POU6F2: variants seen among roughly 807,000 people sequenced by gnomAD.
POU6F2 encodes the protein POU class 6 homeobox 2.
A neutral mutation model predicts 71.3 loss-of-function variants in POU6F2; 31 were observed. That is an observed-to-expected ratio of 0.43 (90% confidence interval 0.33 to 0.59). POU6F2 has a LOEUF of 0.59. Among genes scored for constraint, POU6F2 ranks in the 20% least tolerant of loss-of-function variants. POU6F2 has a pLI of 0.04. For missense variants in POU6F2, 783 were observed against 856.8 expected (o/e 0.91, Z 1.07); for synonymous variants, 347 against 355.7 (o/e 0.98, Z 0.27).
chr7:39,205,444 A>G (rs1487111050), intron 3 of POU6F2, among the ~76,000 whole-genome samples: 1 of 152,022 alleles, frequency 6.6e-6, no homozygotes, highest in Non-Finnish European at 1.5e-5. Flanking sequence ...CCCTCCGACA[A>G]ACTGGAGAGT....
chr7:39,203,879 A>C (rs541169921), intron 2 of POU6F2, among the ~76,000 whole-genome samples: 1 of 152,172 alleles, frequency 6.6e-6, no homozygotes, highest in Non-Finnish European at 1.5e-5. Context: ...AAGCCATATT[A>C]GGGGAAATAT....
chr7:39,381,531 C>A (rs535896574), intron 5 of POU6F2, among the ~76,000 whole-genome samples: 164 of 152,268 alleles, frequency 1.1e-3, no homozygotes, highest in African/African-American at 3.7e-3. Context: ...CATGAGCCTC[C>A]ATGCCCAGCT....
intron 4 of POU6F2, among the ~76,000 whole-genome samples, chr7:39,320,681 C>T (rs536141323): frequency 6.6e-6 from 1 of 152,170 alleles, no homozygotes; most frequent in African/African-American, 2.4e-5. Context: ...ACTGAACCCT[C>T]TATATACTAT....
chr7:39,047,961 T>A (rs1790324000), intron 1 of POU6F2, among the ~76,000 whole-genome samples: 2 of 151,940 alleles, frequency 1.3e-5, no homozygotes, highest in South Asian at 4.1e-4. Context: ...TCAGGGACAT[T>A]AATCTGCAAT....
intron 4 of POU6F2, among the ~76,000 whole-genome samples, chr7:39,238,409 G>A (rs367760297): frequency 1.1e-3 from 170 of 152,170 alleles, no homozygotes; most frequent in African/African-American, 3.6e-3. Flanking sequence ...GTCTGCCGGC[G>A]GAATCTCATC....
intron 5 of POU6F2, among the ~76,000 whole-genome samples, chr7:39,405,636 A>G (rs185015952): frequency 1.3e-5 from 2 of 152,360 alleles, no homozygotes; most frequent in East Asian, 3.9e-4. Context: ...TACTGTGAAA[A>G]TAGTTTAAAT....
chr7:39,077,995 A>G (rs1414308725), intron 1 of POU6F2, among the ~76,000 whole-genome samples: 1 of 152,172 alleles, frequency 6.6e-6, no homozygotes, highest in Non-Finnish European at 1.5e-5. Context: ...ACTTGTATGC[A>G]CAACTATTAG....
chr7:39,189,380 T>G (rs1793611999), intron 2 of POU6F2, among the ~76,000 whole-genome samples: 1 of 151,236 alleles, frequency 6.6e-6, no homozygotes, highest in South Asian at 2.1e-4. Flanking sequence ...GTTTGTGTGT[T>G]TGTTTGTTTG....
intron 4 of POU6F2, among the ~76,000 whole-genome samples, chr7:39,271,494 GA>G (rs36038013): frequency 0.13 from 18,030 of 136,418 alleles, 1,036 homozygotes; most frequent in African/African-American, 0.15. Flanking sequence ...CTCAATCAGT[GA>G]AAAAAAAAAA....
At chr7:39,030,989 C>T (rs1562677927) in intron 1 of POU6F2, among the ~76,000 whole-genome samples, 1 of 151,410 alleles carries the variant, frequency 6.6e-6, no homozygotes, top group Non-Finnish European at 1.5e-5. Flanking sequence ...CAACCTCCTC[C>T]TCCCGGGTTC....
chr7:39,131,237 C>T (rs917301082), intron 2 of POU6F2, among the ~76,000 whole-genome samples: 3 of 152,174 alleles, frequency 2.0e-5, no homozygotes, highest in Non-Finnish European at 4.4e-5. Context: ...GCTGGAATGG[C>T]CTGGTAATTA....
At chr7:39,362,714 T>C (rs1786415255) in intron 5 of POU6F2, among the ~76,000 whole-genome samples, 1 of 152,142 alleles carries the variant, frequency 6.6e-6, no homozygotes, top group African/African-American at 2.4e-5. Flanking sequence ...CAAACACTGA[T>C]AACTTACATG....
At chr7:39,219,369 C>T (rs973207572) in intron 4 of POU6F2, among the ~76,000 whole-genome samples, 2 of 152,104 alleles carry the variant, frequency 1.3e-5, no homozygotes, top group African/African-American at 2.4e-5. Context: ...ATTTAAAAAA[C>T]GTAGTTGTAG....
chr7:39,347,714 C>A (rs2115655372), intron 5 of POU6F2, among the ~76,000 whole-genome samples: 1 of 104,280 alleles, frequency 9.6e-6, no homozygotes, highest in South Asian at 2.8e-4. Context: ...TCACTGCAGC[C>A]TCGACCTCCC....
At chr7:39,209,983 G>A (rs1328222166) in intron 4 of POU6F2, among the ~76,000 whole-genome samples, 2 of 152,192 alleles carry the variant, frequency 1.3e-5, no homozygotes, top group African/African-American at 2.4e-5. Flanking sequence ...CAGTACCTTA[G>A]AAGGAATCCT....
At chr7:39,437,713 A>G (rs1469340072) in intron 7 of POU6F2, among the ~76,000 whole-genome samples, 1 of 152,048 alleles carries the variant, frequency 6.6e-6, no homozygotes, top group Non-Finnish European at 1.5e-5. Context: ...TTGTGATGTT[A>G]GGGTGTCGAT....
At chr7:39,461,425 A>T (rs562682049) in intron 9 of POU6F2, among the ~76,000 whole-genome samples, 17 of 152,180 alleles carry the variant, frequency 1.1e-4, no homozygotes, top group Non-Finnish European at 2.1e-4. Flanking sequence ...TGTTGCACTA[A>T]TCCCATGTTT....
In POU6F2 at chr7:39,084,505, A is replaced by G. The variant is rs182477731; in HGVS notation, c.106-1355A>G. 5.4e-3 allele frequency among the ~76,000 whole-genome samples: 827 copies of G among 152,298 alleles called. 13 individuals are homozygous for G. The highest frequency in any genetic ancestry group is 6.5e-3 in the Non-Finnish European group (439 of 68,034). On this transcript the variant is annotated intron_variant, in intron 1 of 9. Coordinates refer to ENST00000518318, the MANE Select transcript of POU6F2 (RefSeq NM_001370959.1). ...ATAGGGAGAAAATGTGTTTACCTAC[A>G]GTATTTGAAGAAGAAGTGCATTGAT...
At chr7:38,987,380 G>C (rs1009269236) in intron 1 of POU6F2, among the ~76,000 whole-genome samples, 3 of 152,080 alleles carry the variant, frequency 2.0e-5, no homozygotes, top group African/African-American at 4.8e-5. Flanking sequence ...TGAACAAAAT[G>C]CTTGTTATTT....
Sources: allele counts gnomAD v4.1 joint callset (sites outside exome capture counted in the v4.1 genomes callset), GRCh38; gene constraint gnomAD v4.1.1; transcripts MANE v1.5; gene names NCBI Gene and HGNC (gene_info 2026-07-23, HGNC 2026-07-21).